Variants in HERC4 observed in about 807,000 individuals in gnomAD.
HERC4 encodes the protein HECT and RLD domain containing E3 ubiquitin protein ligase 4, also known as probable E3 ubiquitin-protein ligase HERC4.
HERC4 carries 28 observed loss-of-function variants against 124.3 expected under a neutral mutation model. That is an observed-to-expected ratio of 0.23 (90% CI 0.17 to 0.31). The LOEUF is 0.31. HERC4 is among the 10% of genes least tolerant of loss of function. The pLI, the probability that HERC4 is intolerant of heterozygous loss-of-function variation, is 1.00. For missense variants in HERC4, 713 were observed against 1,229.3 expected (o/e 0.58, Z 6.28); for synonymous variants, 407 against 421.5 (o/e 0.97, Z 0.42).
At chr10:68,027,937 TTA>T (rs913178903) in intron 7 of HERC4, among the ~76,000 whole-genome samples, 5 of 147,536 alleles carry the variant, frequency 3.4e-5, no homozygotes, top group African/African-American at 1.2e-4. Flanking sequence ...AAGAAAAAAA[TTA>T]TATATATATA....
At chr10:67,938,482 T>C (rs2032580980) in intron 21 of HERC4, among the ~76,000 whole-genome samples, 1 of 147,954 alleles carries the variant, frequency 6.8e-6, no homozygotes, top group Non-Finnish European at 1.5e-5. Flanking sequence ...AAAAGAAAAC[T>C]GAAGGTTTTA....
intron 3 of HERC4, among the ~76,000 whole-genome samples, chr10:68,059,876 A>ATATCATAATATTATATATT (rs1169094270): frequency 1.2e-5 from 1 of 80,152 alleles, no homozygotes; most frequent in African/African-American, 8.9e-5. Context: ...ATATTATAAT[A>ATATCATAATATTATATATT]ATATTATATA....
chr10:68,016,682 G>T (rs964217953), intron 8 of HERC4, among the ~76,000 whole-genome samples: 2 of 152,106 alleles, frequency 1.3e-5, no homozygotes, highest in Non-Finnish European at 2.9e-5. Context: ...TGACTACCTG[G>T]AAGTCAAACT....
At chr10:68,027,463 A>G (rs540377878) in intron 7 of HERC4, among the ~76,000 whole-genome samples, 4 of 152,258 alleles carry the variant, frequency 2.6e-5, no homozygotes, top group East Asian at 1.9e-4. Flanking sequence ...TCAACAGCAT[A>G]TATCTGTAAC....
intron 3 of HERC4, among the ~76,000 whole-genome samples, chr10:68,071,828 A>C (rs911685827): frequency 6.6e-6 from 1 of 152,234 alleles, no homozygotes; most frequent in African/African-American, 2.4e-5. Context: ...AAGGCAGAAG[A>C]AAATACACTA....
In HERC4 at chr10:67,947,664, T is replaced by C. The variant is rs188824638; in HGVS notation, c.2338-6559A>G. Among the ~76,000 whole-genome samples the C allele has an allele frequency of 2.0e-3, 299 of 152,284 alleles. 1 individual carries two copies. Among genetic ancestry groups the C allele is most frequent in the African/African-American group, 6.2e-3 (259 of 41,554 alleles). ...AAGTAGAATAAACATTCTTTTTAAG[T>C]GTACATGGAACATCTTCTAGGATAG... On this transcript the variant is annotated intron_variant, in intron 19 of 24. Transcript: ENST00000373700.
At chr10:67,977,827 C>A (rs2035687093) in intron 15 of HERC4, among the ~76,000 whole-genome samples, 1 of 151,650 alleles carries the variant, frequency 6.6e-6, no homozygotes, top group African/African-American at 2.4e-5. Flanking sequence ...ACAAAAAATA[C>A]AAAAATTAGC....
intron 19 of HERC4, among the ~76,000 whole-genome samples, chr10:67,949,143 G>C (rs2033610230): frequency 6.6e-6 from 1 of 151,594 alleles, no homozygotes; most frequent in African/African-American, 2.4e-5. Flanking sequence ...ACTAAGCCAG[G>C]CATGGTGGCA....
At chr10:68,023,687 T>C (rs2038761401) in intron 8 of HERC4, among the ~76,000 whole-genome samples, 1 of 152,190 alleles carries the variant, frequency 6.6e-6, no homozygotes, top group African/African-American at 2.4e-5. Context: ...TACTTAAAAA[T>C]AGTTAAGGTG....
intron 16 of HERC4, chr10:67,966,412 C>A: frequency 3.5e-6 from 1 of 287,332 alleles, no homozygotes; most frequent in South Asian, 5.2e-5. Context: ...GTTAAAAATC[C>A]ATTTCACACT....
At chr10:67,949,044 G>A (rs1050755853) in intron 19 of HERC4, among the ~76,000 whole-genome samples, 1 of 152,004 alleles carries the variant, frequency 6.6e-6, no homozygotes, top group Non-Finnish European at 1.5e-5. Context: ...ACAAGGTCAG[G>A]AAATCGAGAT....
At chr10:68,006,457 C>T (rs2037568374) in intron 9 of HERC4, among the ~76,000 whole-genome samples, 1 of 151,714 alleles carries the variant, frequency 6.6e-6, no homozygotes, top group African/African-American at 2.4e-5. Flanking sequence ...CTGCAACCTC[C>T]ACCTCCCGGG....
At chr10:67,964,707 C>T (rs941891592) in intron 16 of HERC4, 7 of 152,154 alleles carry the variant, frequency 4.6e-5, no homozygotes, top group Non-Finnish European at 1.0e-4. Flanking sequence ...TATGATCTGG[C>T]CCCTGCCCAT....
At chr10:68,049,187 A>T (rs2040160274) in intron 3 of HERC4, among the ~76,000 whole-genome samples, 2 of 145,506 alleles carry the variant, frequency 1.4e-5, no homozygotes, top group East Asian at 2.0e-4. Flanking sequence ...CTCTGCAATT[A>T]AAAAAAAAAA....
chr10:67,999,082 G>C lies in HERC4; in HGVS notation c.1070-6400C>G, dbSNP rs575351762. On this transcript the variant is annotated intron_variant, in intron 9 of 24. Transcript: ENST00000373700. ...AAAAAATAAAAATATGTCTAGGCTT[G>C]ATCCTACACTTGCTGGTTCTTTTGA... Among the ~76,000 whole-genome samples, 4 of 152,254 alleles carry C rather than the reference G, an allele frequency of 2.6e-5. No homozygotes were observed. In the East Asian group the frequency reaches 7.7e-4, roughly 29 times the overall value.
chr10:68,038,915 T>TA (rs1453605836), intron 4 of HERC4, among the ~76,000 whole-genome samples: 2 of 152,296 alleles, frequency 1.3e-5, no homozygotes, highest in Admixed American at 1.3e-4. Context: ...ATTAACTTTG[T>TA]ATGTACATCA....
intron 4 of HERC4, among the ~76,000 whole-genome samples, chr10:68,043,539 G>A (rs781139713): frequency 9.9e-5 from 15 of 152,128 alleles, no homozygotes; most frequent in Non-Finnish European, 1.6e-4. Context: ...TGATTAGCCA[G>A]GCACAGTGCT....
At chr10:67,979,959 T>C (rs926437138) in intron 15 of HERC4, among the ~76,000 whole-genome samples, 28 of 150,804 alleles carry the variant, frequency 1.9e-4, no homozygotes, top group African/African-American at 6.3e-4. Flanking sequence ...AAAAAAAACC[T>C]GTCTGAGAAA....
chr10:68,016,309 T>C (rs1010812169), intron 8 of HERC4, among the ~76,000 whole-genome samples: 1 of 152,186 alleles, frequency 6.6e-6, no homozygotes, highest in Non-Finnish European at 1.5e-5. Flanking sequence ...CAGGAGGTTT[T>C]TGACAATTAT....
Sources: gnomAD v4.1 joint callset for allele counts (sites outside exome capture counted in the v4.1 genomes callset) on GRCh38, gnomAD v4.1.1 for gene constraint, MANE v1.5 for transcripts, NCBI Gene and HGNC (gene_info 2026-07-23, HGNC 2026-07-21) for gene names.